The following SLX4IP variants were observed in gnomAD, a reference collection of about 807,000 sequenced individuals.
The protein encoded by SLX4IP is protein SLX4IP.
SLX4IP carries 34 observed loss-of-function variants against 32.9 expected under a neutral mutation model. The observed-to-expected ratio is 1.03, with a 90% CI of 0.79 to 1.38. The LOEUF is 1.38. Ranked by LOEUF, SLX4IP falls within the 40% of genes most tolerant of loss-of-function variation. SLX4IP has a pLI of 0.00. For synonymous variants in SLX4IP, 172 were observed against 171.7 expected, an observed-to-expected ratio of 1.00 and a Z score of -0.01; for missense variants, 444 against 479.0, an observed-to-expected ratio of 0.93 and a Z score of 0.68.
intron 4 of SLX4IP, among the ~76,000 whole-genome samples, chr20:10,596,659 T>A (rs1187831936): frequency 6.6e-6 from 1 of 152,234 alleles, no homozygotes; most frequent in Admixed American, 6.5e-5. Context: ...TATACTTTTT[T>A]TTTCTCAGTT....
intron 1 of SLX4IP, among the ~76,000 whole-genome samples, chr20:10,456,733 A>G (rs1386319833): frequency 6.6e-6 from 1 of 152,168 alleles, no homozygotes; most frequent in South Asian, 2.1e-4. Context: ...TTGCATTTTC[A>G]TATACGTTTT....
rs544809767 is a variant in SLX4IP, at chr20:10,509,083, C to T, written c.28-47148C>T. Among the ~76,000 whole-genome samples the T allele has an allele frequency of 2.0e-5, 3 of 152,262 alleles. No homozygotes were observed. In the South Asian group the frequency reaches 6.2e-4, roughly 32 times the overall value. ...TGGGTTAATCTCCCTCCTCCCACTC[C>T]GAGTCAGGGTGTCACTCCCTTTCCC... is the stretch of plus-strand genomic sequence containing the variant. On this transcript the variant is annotated intron_variant, in intron 2 of 7. Transcript: ENST00000334534.
intron 2 of SLX4IP, among the ~76,000 whole-genome samples, chr20:10,460,371 C>T (rs913849157): frequency 6.6e-6 from 1 of 152,200 alleles, no homozygotes; most frequent in Non-Finnish European, 1.5e-5. Flanking sequence ...GGTTGCCTAG[C>T]ATCAATTGAG....
chr20:10,555,205 A>T (rs538587234), intron 2 of SLX4IP, among the ~76,000 whole-genome samples: 2 of 152,046 alleles, frequency 1.3e-5, no homozygotes, highest in Non-Finnish European at 2.9e-5. Flanking sequence ...TTAAAAAAAA[A>T]AAAACAAAAC....
At chr20:10,491,071 T>TAAAAA (rs76179946) in intron 2 of SLX4IP, among the ~76,000 whole-genome samples, 1 of 150,666 alleles carries the variant, frequency 6.6e-6, no homozygotes, top group Non-Finnish European at 1.5e-5. Flanking sequence ...GGCTCCACTT[T>TAAAAA]AAAAAAAAAC....
chr20:10,484,559 CA>C (rs1194716538), intron 2 of SLX4IP, among the ~76,000 whole-genome samples: 3 of 151,960 alleles, frequency 2.0e-5, no homozygotes, highest in Admixed American at 6.6e-5. Context: ...ACAGTGATAC[CA>C]AAATTGTGAG....
chr20:10,475,770 G>A (rs936540798), intron 2 of SLX4IP, among the ~76,000 whole-genome samples: 5 of 152,264 alleles, frequency 3.3e-5, no homozygotes, highest in Admixed American at 6.5e-5. Context: ...ATTGTGGCAC[G>A]GGGCAGTGTC....
rs1160129264 is a variant in SLX4IP at position 10,626,838 on chromosome 20, CTG to C, written c.*3461_*3462del. The C allele has an allele frequency of 2.0e-5, 3 of 152,186 alleles. No homozygotes were observed. The highest frequency in any genetic ancestry group is 4.4e-5 in the Non-Finnish European group (3 of 68,034). The allele number at this position is 152,186 out of a possible 1,614,324, so 9.4% of individuals were successfully genotyped here. A position where few individuals can be genotyped will look rare whatever the true frequency, so the allele number is the denominator to read the frequency against. Reference sequence around the variant, plus strand: ...AAAAAGCAAGAATCATAAAAACCCTCTGTATTTTGATTTATGAAGAATATAGC... The same window carrying C: ...AAAAAGCAAGAATCATAAAAACCCTCTATTTTGATTTATGAAGAATATAGC... On this transcript the variant is annotated 3_prime_UTR_variant, in exon 8 of 8. Coordinates refer to ENST00000334534, the MANE Select transcript of SLX4IP (RefSeq NM_001009608.3).
intron 4 of SLX4IP, among the ~76,000 whole-genome samples, chr20:10,587,435 G>A (rs2066658495): frequency 6.6e-6 from 1 of 152,070 alleles, no homozygotes; most frequent in South Asian, 2.1e-4. Flanking sequence ...CCTACCAGCA[G>A]CAGTATTCAA....
intron 4 of SLX4IP, among the ~76,000 whole-genome samples, chr20:10,583,663 G>A (rs76058063): frequency 0.019 from 2,874 of 152,214 alleles, 65 homozygotes; most frequent in African/African-American, 0.055. Flanking sequence ...TATGTGGGGT[G>A]TGTTTTCTGT....
chr20:10,503,023 G>A (rs1476520811), intron 2 of SLX4IP, among the ~76,000 whole-genome samples: 1 of 152,148 alleles, frequency 6.6e-6, no homozygotes, highest in Non-Finnish European at 1.5e-5. Flanking sequence ...GTGACTGTGA[G>A]TCTGGTTCCT....
At chr20:10,599,100 T>G (rs1223779587) in intron 5 of SLX4IP, among the ~76,000 whole-genome samples, 2 of 152,152 alleles carry the variant, frequency 1.3e-5, no homozygotes, top group Non-Finnish European at 2.9e-5. Context: ...GAAAGCTCTT[T>G]CCCAGCCCTG....
intron 1 of SLX4IP, among the ~76,000 whole-genome samples, chr20:10,448,933 T>G (rs1452787713): frequency 1.3e-5 from 2 of 152,212 alleles, no homozygotes; most frequent in Non-Finnish European, 2.9e-5. Flanking sequence ...CTGGAACATT[T>G]TTTTCACCCA....
chr20:10,582,401 T>C (rs2066596520), intron 4 of SLX4IP, among the ~76,000 whole-genome samples: 1 of 152,242 alleles, frequency 6.6e-6, no homozygotes, highest in African/African-American at 2.4e-5. Context: ...CTGCATTCTG[T>C]GTTTTTAGCA....
At chr20:10,500,130 CT>C (rs34751503) in intron 2 of SLX4IP, among the ~76,000 whole-genome samples, 298 of 90,046 alleles carry the variant, frequency 3.3e-3, no homozygotes, top group South Asian at 0.021. Context: ...TGTCAAAATT[CT>C]TTTTTTTTTT....
At chr20:10,588,289 C>T (rs372669239) in intron 4 of SLX4IP, among the ~76,000 whole-genome samples, 93 of 152,208 alleles carry the variant, frequency 6.1e-4, no homozygotes, top group African/African-American at 2.0e-3. Context: ...AGGAAATGCA[C>T]GTTATGACCA....
chr20:10,473,995 G>A (rs1016260937), intron 2 of SLX4IP, among the ~76,000 whole-genome samples: 2 of 152,026 alleles, frequency 1.3e-5, no homozygotes, highest in Non-Finnish European at 2.9e-5. Context: ...GCTAATTTTT[G>A]TATTTTTAGT....
chr20:10,448,664 G>A (rs2065219910), intron 1 of SLX4IP, among the ~76,000 whole-genome samples: 1 of 152,164 alleles, frequency 6.6e-6, no homozygotes, highest in South Asian at 2.1e-4. Flanking sequence ...TGACAGCTCT[G>A]GGATCACCTG....
At chr20:10,554,393 A>G (rs2066247751) in intron 2 of SLX4IP, among the ~76,000 whole-genome samples, 1 of 152,194 alleles carries the variant, frequency 6.6e-6, no homozygotes, top group African/African-American at 2.4e-5. Flanking sequence ...AACTTCCATG[A>G]ATATTTGCAT....
Sources: gnomAD v4.1 joint callset for allele counts (sites outside exome capture counted in the v4.1 genomes callset) on GRCh38, gnomAD v4.1.1 for gene constraint, MANE v1.5 for transcripts, NCBI Gene and HGNC (gene_info 2026-07-23, HGNC 2026-07-21) for gene names.